Variants in SGCZ observed in about 807,000 individuals in gnomAD.
SGCZ encodes sarcoglycan zeta.
Under a neutral mutation model 41.3 loss-of-function variants are expected in SGCZ, and 40 were observed. The ratio of observed to expected loss-of-function variants is 0.97; its 90% CI spans 0.75 to 1.26. The LOEUF is 1.26. Ranked by LOEUF, SGCZ falls within the 50% of genes most tolerant of loss-of-function variation. The pLI is 0.00. For missense variants in SGCZ, 552 were observed against 369.8 expected, an observed-to-expected ratio of 1.49 and a Z score of -4.04; for synonymous variants, 206 against 137.5, an observed-to-expected ratio of 1.50 and a Z score of -3.49.
intron 2 of SGCZ, among the ~76,000 whole-genome samples, chr8:14,447,114 C>G (rs1023033421): frequency 3.9e-5 from 6 of 152,096 alleles, no homozygotes; most frequent in Non-Finnish European, 4.4e-5. Context: ...TCAATTAAAA[C>G]ACCAACCTTC....
intron 7 of SGCZ, among the ~76,000 whole-genome samples, chr8:14,099,315 T>A (rs748866450): frequency 6.6e-6 from 1 of 152,220 alleles, no homozygotes; most frequent in Non-Finnish European, 1.5e-5. Flanking sequence ...CTGAAACTCT[T>A]CCCTGATCTC....
At chr8:14,486,834 G>A (rs987416908) in intron 2 of SGCZ, among the ~76,000 whole-genome samples, 3 of 152,178 alleles carry the variant, frequency 2.0e-5, no homozygotes, top group South Asian at 2.1e-4. Context: ...GAATGATTAC[G>A]TTTTAAAGTT....
intron 1 of SGCZ, among the ~76,000 whole-genome samples, chr8:14,707,249 G>T (rs541759948): frequency 1.5e-5 from 2 of 133,798 alleles, no homozygotes; most frequent in Non-Finnish European, 3.0e-5. Flanking sequence ...TGTTCTCATT[G>T]TTCAATTACC....
intron 1 of SGCZ, among the ~76,000 whole-genome samples, chr8:14,692,427 C>A (rs769398741): frequency 3.3e-5 from 5 of 152,018 alleles, no homozygotes; most frequent in Non-Finnish European, 7.4e-5. Context: ...CACATATCCA[C>A]CAATAATACC....
At chr8:14,733,641 A>T (rs1798938814) in intron 1 of SGCZ, among the ~76,000 whole-genome samples, 1 of 152,216 alleles carries the variant, frequency 6.6e-6, no homozygotes, top group African/African-American at 2.4e-5. Context: ...TACATGAATC[A>T]CTGCACTTGT....
intron 1 of SGCZ, among the ~76,000 whole-genome samples, chr8:14,599,075 C>G (rs1223121710): frequency 6.6e-6 from 1 of 152,142 alleles, no homozygotes; most frequent in Non-Finnish European, 1.5e-5. Flanking sequence ...CTACCTTATT[C>G]ATTCAACAGC....
chr8:14,187,709 T>C lies in SGCZ; in HGVS notation c.425-23007A>G, dbSNP rs556219418. Among the ~76,000 whole-genome samples the C allele has an allele frequency of 4.6e-5, 7 of 152,060 alleles. No individual in the cohort carries two copies. The South Asian group carries it at 1.5e-3, about 32-fold the overall frequency. Reference sequence around the variant, plus strand: ...AAAAAATGACAACTGCAGGACACCATTAAGAATGTGAACGTGTGTGTAATA... The same window carrying C: ...AAAAAATGACAACTGCAGGACACCACTAAGAATGTGAACGTGTGTGTAATA... On this transcript the variant is annotated intron_variant, in intron 4 of 7. Transcript: ENST00000382080.
chr8:15,205,637 C>T (rs9918755), intron 1 of SGCZ, among the ~76,000 whole-genome samples: 349 of 152,106 alleles, frequency 2.3e-3, no homozygotes, highest in African/African-American at 7.7e-3. Context: ...GAAAAGGGAA[C>T]GCGTATACAC....
chr8:14,283,924 TA>T (rs1800533414), intron 3 of SGCZ, among the ~76,000 whole-genome samples: 1 of 152,250 alleles, frequency 6.6e-6, no homozygotes, highest in African/African-American at 2.4e-5. Flanking sequence ...TGTTCTTGTT[TA>T]AAACTTATTT....
chr8:15,021,698 G>T (rs975051695), intron 1 of SGCZ, among the ~76,000 whole-genome samples: 1 of 152,220 alleles, frequency 6.6e-6, no homozygotes, highest in Non-Finnish European at 1.5e-5. Flanking sequence ...CACTTCTCCA[G>T]TGACTTCCAT....
chr8:15,057,740 G>A (rs375935379), intron 1 of SGCZ, among the ~76,000 whole-genome samples: 3 of 152,278 alleles, frequency 2.0e-5, no homozygotes, highest in Middle Eastern at 3.4e-3. Flanking sequence ...AATTAGCTGT[G>A]CTCCCTGGGC....
intron 4 of SGCZ, among the ~76,000 whole-genome samples, chr8:14,215,463 G>A (rs1805962282): frequency 6.6e-6 from 1 of 150,902 alleles, no homozygotes; most frequent in African/African-American, 2.4e-5. Flanking sequence ...TAGGAAGTAG[G>A]AAAGAAGGTA....
chr8:14,098,724 T>TATGAAAATCTAATGGAGATGTGG (rs1328036914), intron 7 of SGCZ, among the ~76,000 whole-genome samples: 3 of 152,066 alleles, frequency 2.0e-5, no homozygotes, highest in Non-Finnish European at 4.4e-5. Flanking sequence ...AGGAGGGGGA[T>TATGAAAATCTAATGGAGATGTGG]ATGAAAATCT....
At chr8:14,120,596 G>C (rs917808642) in intron 5 of SGCZ, among the ~76,000 whole-genome samples, 2 of 151,508 alleles carry the variant, frequency 1.3e-5, no homozygotes, top group African/African-American at 2.4e-5. Flanking sequence ...ATTGTTTTGA[G>C]GAAAAAATAA....
At chr8:14,830,022 C>T (rs1241017356) in intron 1 of SGCZ, among the ~76,000 whole-genome samples, 1 of 151,972 alleles carries the variant, frequency 6.6e-6, no homozygotes, top group Admixed American at 6.6e-5. Flanking sequence ...CCGTGTTAGC[C>T]AGGGGTCTCG....
intron 2 of SGCZ, among the ~76,000 whole-genome samples, chr8:14,413,722 C>G (rs939839741): frequency 1.1e-4 from 16 of 151,908 alleles, no homozygotes; most frequent in African/African-American, 3.9e-4. Flanking sequence ...ATTGCATCTT[C>G]TTTGTCTATG....
At chr8:14,660,540 C>G (rs1807714153) in intron 1 of SGCZ, among the ~76,000 whole-genome samples, 1 of 141,824 alleles carries the variant, frequency 7.1e-6, no homozygotes, top group South Asian at 2.2e-4. Context: ...CACTGCACTC[C>G]AGCCTGGGCA....
chr8:14,411,958 G>T (rs560991698), intron 2 of SGCZ, among the ~76,000 whole-genome samples: 1 of 152,058 alleles, frequency 6.6e-6, no homozygotes, highest in Non-Finnish European at 1.5e-5. Context: ...GTAAACAGCT[G>T]GGAAGAGTAT....
At chr8:14,338,813 T>C (rs2117071732) in intron 2 of SGCZ, among the ~76,000 whole-genome samples, 1 of 152,280 alleles carries the variant, frequency 6.6e-6, no homozygotes, top group African/African-American at 2.4e-5. Context: ...GTATTGATGC[T>C]ACAAATGTGT....
Sources: gnomAD v4.1 joint callset for allele counts (sites outside exome capture counted in the v4.1 genomes callset) on GRCh38, gnomAD v4.1.1 for gene constraint, MANE v1.5 for transcripts, NCBI Gene and HGNC (gene_info 2026-07-23, HGNC 2026-07-21) for gene names.